BRINP3: variants seen among roughly 807,000 people sequenced by gnomAD.
The protein encoded by BRINP3 is BMP/retinoic acid-inducible neural-specific protein 3.
Under a neutral mutation model 71.0 loss-of-function variants are expected in BRINP3, and 19 were observed. The observed-to-expected ratio is 0.27, with a 90% CI of 0.19 to 0.39. The LOEUF (loss-of-function observed/expected upper bound fraction) is 0.39. Among genes scored for constraint, BRINP3 ranks in the 10% least tolerant of loss-of-function variants. The probability of loss-of-function intolerance (pLI) is 1.00; values close to 1 mark genes in which losing one functional copy is unlikely to be tolerated. For synonymous variants in BRINP3, 380 were observed against 337.7 expected, an observed-to-expected ratio of 1.13 and a Z score of -1.37; for missense variants, 959 against 940.8, an observed-to-expected ratio of 1.02 and a Z score of -0.25.
At chr1:190,345,120 C>G (rs973917450) in intron 2 of BRINP3, among the ~76,000 whole-genome samples, 1 of 151,748 alleles carries the variant, frequency 6.6e-6, no homozygotes, top group African/African-American at 2.4e-5. Flanking sequence ...GTATGCACAC[C>G]TTTAATATCA....
chr1:190,428,124 A>C (rs1407815897), intron 2 of BRINP3, among the ~76,000 whole-genome samples: 1 of 151,998 alleles, frequency 6.6e-6, no homozygotes. Context: ...AGTAGGAAAA[A>C]ACATAAGAAT....
intron 2 of BRINP3, among the ~76,000 whole-genome samples, chr1:190,332,798 A>G (rs1667051661): frequency 1.3e-5 from 2 of 152,118 alleles, no homozygotes; most frequent in East Asian, 3.9e-4. Context: ...CTGAATAAAA[A>G]CATAAGAGAA....
At chr1:190,171,614 C>T (rs1276115790) in intron 6 of BRINP3, among the ~76,000 whole-genome samples, 1 of 152,012 alleles carries the variant, frequency 6.6e-6, no homozygotes, top group Non-Finnish European at 1.5e-5. Flanking sequence ...TGAAGTGTTA[C>T]ATATATTAAA....
intron 4 of BRINP3, among the ~76,000 whole-genome samples, chr1:190,260,266 T>G (rs1158324184): frequency 6.6e-6 from 1 of 151,872 alleles, no homozygotes; most frequent in Non-Finnish European, 1.5e-5. Flanking sequence ...TATCACCTAG[T>G]GGAAATTTGC....
intron 2 of BRINP3, among the ~76,000 whole-genome samples, chr1:190,379,226 T>G (rs1275301522): frequency 6.6e-6 from 1 of 152,164 alleles, no homozygotes; most frequent in Non-Finnish European, 1.5e-5. Flanking sequence ...AAACTACATT[T>G]TTATTCAGAC....
chr1:190,343,014 G>C (rs994566878), intron 2 of BRINP3, among the ~76,000 whole-genome samples: 1 of 151,746 alleles, frequency 6.6e-6, no homozygotes, highest in Admixed American at 6.6e-5. Flanking sequence ...AACTATGGTG[G>C]CTCTTTAAAC....
intron 7 of BRINP3, among the ~76,000 whole-genome samples, chr1:190,115,644 G>A (rs1653067716): frequency 6.6e-6 from 1 of 152,054 alleles, no homozygotes; most frequent in Non-Finnish European, 1.5e-5. Context: ...GGAACATCCC[G>A]ACTCTCTGCC....
intron 2 of BRINP3, among the ~76,000 whole-genome samples, chr1:190,331,109 T>C (rs919336979): frequency 2.0e-5 from 3 of 151,914 alleles, no homozygotes; most frequent in Non-Finnish European, 4.4e-5. Flanking sequence ...CAAAATAAAA[T>C]TTAAAAACTC....
intron 7 of BRINP3, among the ~76,000 whole-genome samples, chr1:190,127,396 T>C (rs1654174324): frequency 6.6e-6 from 1 of 151,910 alleles, no homozygotes; most frequent in African/African-American, 2.4e-5. Context: ...TATTGGCCTA[T>C]TTAAAACATT....
intron 6 of BRINP3, among the ~76,000 whole-genome samples, chr1:190,201,223 A>G (rs1021642508): frequency 2.0e-5 from 3 of 152,152 alleles, no homozygotes; most frequent in Non-Finnish European, 2.9e-5. Context: ...GAGCAAAGGC[A>G]GGTTTTGTTA....
chr1:190,378,050 G>A (rs1670292926), intron 2 of BRINP3, among the ~76,000 whole-genome samples: 1 of 152,004 alleles, frequency 6.6e-6, no homozygotes, highest in South Asian at 2.1e-4. Flanking sequence ...AATCTCAGGG[G>A]ACGGAATACT....
intron 2 of BRINP3, among the ~76,000 whole-genome samples, chr1:190,423,651 G>A (rs1673520952): frequency 6.6e-6 from 1 of 151,696 alleles, no homozygotes; most frequent in Non-Finnish European, 1.5e-5. Flanking sequence ...AGAATAAAGT[G>A]TTATGAAAGA....
chr1:190,406,079 C>G (rs1672261580), intron 2 of BRINP3, among the ~76,000 whole-genome samples: 3 of 152,144 alleles, frequency 2.0e-5, no homozygotes. Context: ...TTCAGTCTAG[C>G]CAGATTAGAT....
chr1:190,151,610 C>A (rs548462904), intron 7 of BRINP3, among the ~76,000 whole-genome samples: 1 of 152,046 alleles, frequency 6.6e-6, no homozygotes, highest in Non-Finnish European at 1.5e-5. Flanking sequence ...AGAAATCTGA[C>A]AAAAATATGT....
At chr1:190,468,752 T>C (rs977034000) in intron 1 of BRINP3, among the ~76,000 whole-genome samples, 3 of 151,088 alleles carry the variant, frequency 2.0e-5, no homozygotes, top group Non-Finnish European at 4.5e-5. Context: ...AGGAGGCTTA[T>C]GAATCCATAA....
intron 2 of BRINP3, among the ~76,000 whole-genome samples, chr1:190,442,672 G>A (rs769264061): frequency 5.9e-5 from 9 of 151,748 alleles, no homozygotes. Flanking sequence ...GTGTGATTAC[G>A]TGTGTGTGTG....
At chr1:190,435,024 G>A (rs991464703) in intron 2 of BRINP3, among the ~76,000 whole-genome samples, 8 of 152,002 alleles carry the variant, frequency 5.3e-5, no homozygotes, top group Admixed American at 3.9e-4. Flanking sequence ...TATTTTAGAT[G>A]GAGAAAATAG....
intron 2 of BRINP3, among the ~76,000 whole-genome samples, chr1:190,290,470 C>T (rs577121067): frequency 9.9e-5 from 15 of 151,926 alleles, no homozygotes; most frequent in South Asian, 8.3e-4. Flanking sequence ...CTTTTATGGG[C>T]GAAATAAATA....
intron 2 of BRINP3, among the ~76,000 whole-genome samples, chr1:190,332,941 C>A (rs1667061371): frequency 6.6e-6 from 1 of 151,716 alleles, no homozygotes; most frequent in African/African-American, 2.4e-5. Context: ...AACCCATATA[C>A]CTATTTTTTA....
Sources: allele counts gnomAD v4.1 joint callset (sites outside exome capture counted in the v4.1 genomes callset), GRCh38; gene constraint gnomAD v4.1.1; transcripts MANE v1.5; gene names NCBI Gene and HGNC (gene_info 2026-07-23, HGNC 2026-07-21).